TSEN2: variants seen among roughly 807,000 people sequenced by gnomAD.
TSEN2 encodes the protein tRNA splicing endonuclease subunit 2.
In TSEN2, 54 loss-of-function variants were observed where a neutral mutation model predicts 59.2. The observed-to-expected ratio is 0.91, with a 90% CI of 0.73 to 1.14. The LOEUF is 1.14. TSEN2 is among the 50% of genes most tolerant of loss of function. The pLI is 0.00. For missense variants in TSEN2, 636 were observed against 576.2 expected, an observed-to-expected ratio of 1.10 and a Z score of -1.06; for synonymous variants, 195 against 198.2, an observed-to-expected ratio of 0.98 and a Z score of 0.14.
chr3:12,484,353 G>A (rs140758605), upstream of TSEN2: 3 of 152,436 alleles, frequency 2.0e-5, no homozygotes, highest in African/African-American at 4.8e-5. Context: ...CTGGCGCACA[G>A]AACACCCGCC....
chr3:12,515,242 T>C (rs1339717978), intron 6 of TSEN2, among the ~76,000 whole-genome samples: 1 of 152,156 alleles, frequency 6.6e-6, no homozygotes, highest in Non-Finnish European at 1.5e-5. Context: ...TTTTGTTCTG[T>C]GTATGCCGGG....
intron 4 of TSEN2, among the ~76,000 whole-genome samples, chr3:12,501,949 T>A (rs1480440761): frequency 6.6e-6 from 1 of 152,222 alleles, no homozygotes; most frequent in Non-Finnish European, 1.5e-5. Context: ...TGCCTATAAT[T>A]TTTTGTAACT....
chr3:12,480,527 TG>T (rs752088124), upstream of TSEN2, among the ~76,000 whole-genome samples: 4 of 135,782 alleles, frequency 2.9e-5, no homozygotes, highest in East Asian at 2.0e-4. Context: ...TTTGTTTCTT[TG>T]TTTTTTTTTT....
upstream of TSEN2, among the ~76,000 whole-genome samples, chr3:12,483,607 T>G (rs113974642): frequency 0.012 from 1,780 of 152,290 alleles, 36 homozygotes; most frequent in African/African-American, 0.041. Context: ...GCAAGAACAT[T>G]GGCAGAAGTC....
chr3:12,536,704 T>C (rs987044011), downstream of TSEN2, among the ~76,000 whole-genome samples: 3 of 152,216 alleles, frequency 2.0e-5, no homozygotes, highest in East Asian at 1.9e-4. Context: ...TGTGGTCTTA[T>C]TTATAAGAGG....
chr3:12,532,671 C>T lies in TSEN2; in HGVS notation c.1348C>T (p.Leu450=). The part of the protein sequence containing the change: ...MKRIKVQEVI[L]SRWVSSRERS... ...TTTTTATTGGTTGTAGGAGGTGATT[C>T]TGAGTCGATGGGTTTCTTCACGAGA... is the stretch of plus-strand genomic sequence containing the variant. Residue 450 remains leucine (L), a synonymous_variant, in exon 12 of 12, where the codon CTG becomes TTG. Transcript: ENST00000284995. 1 of 1,613,926 alleles carries T rather than the reference C, an allele frequency of 6.2e-7. No homozygotes were observed. Among genetic ancestry groups the T allele is most frequent in the Admixed American group, 1.7e-5 (1 of 59,998 alleles).
chr3:12,508,931 G>A (rs530203893), intron 6 of TSEN2, among the ~76,000 whole-genome samples: 4 of 152,264 alleles, frequency 2.6e-5, no homozygotes, highest in Admixed American at 2.0e-4. Context: ...CACCATCATA[G>A]CTCACTGAAG....
At chr3:12,488,073 C>A (rs1190760237) in intron 1 of TSEN2, among the ~76,000 whole-genome samples, 1 of 152,170 alleles carries the variant, frequency 6.6e-6, no homozygotes, top group East Asian at 1.9e-4. Context: ...TCCTCAGCTT[C>A]TTCCTTGAGA....
intron 11 of TSEN2, 67 bp downstream of exon 11, chr3:12,531,726 G>C: frequency 9.2e-7 from 1 of 1,090,616 alleles, no homozygotes; most frequent in Non-Finnish European, 1.4e-6. Context: ...TCTGGAACAT[G>C]TGGTCCCAAG....
intron 6 of TSEN2, among the ~76,000 whole-genome samples, chr3:12,511,462 G>A (rs1232752179): frequency 6.6e-6 from 1 of 151,780 alleles, no homozygotes; most frequent in Non-Finnish European, 1.5e-5. Context: ...TTAGCCATTT[G>A]GAAAAAGACA....
intron 10 of TSEN2, 35 bp downstream of exon 10, chr3:12,529,908 C>T (rs201662726): frequency 6.3e-7 from 1 of 1,594,740 alleles, no homozygotes; most frequent in East Asian, 2.2e-5. Context: ...TGGAGTGTCA[C>T]TTAAATGGTT....
chr3:12,509,202 T>G (rs2055163950), intron 6 of TSEN2, among the ~76,000 whole-genome samples: 1 of 113,884 alleles, frequency 8.8e-6, no homozygotes, highest in South Asian at 2.2e-4. Context: ...GTTTTTTTTG[T>G]TGTTGTTTTT....
At chr3:12,531,487 G>C in intron 10 of TSEN2, 83 bp from the exon 11 acceptor site, 1 of 846,670 alleles carries the variant, frequency 1.2e-6, no homozygotes, top group South Asian at 1.4e-5. Flanking sequence ...AGGGACTGGA[G>C]ACCACCTGCA....
chr3:12,529,660 CA>C, intron 9 of TSEN2, 101 bp from the exon 10 acceptor site: 1 of 1,047,396 alleles, frequency 9.5e-7, no homozygotes, highest in Non-Finnish European at 1.4e-6. Flanking sequence ...TCAGATGATG[CA>C]AATTTCATTT....
chr3:12,496,140 A>T (rs573271489), intron 3 of TSEN2, among the ~76,000 whole-genome samples: 2 of 152,356 alleles, frequency 1.3e-5, no homozygotes, highest in South Asian at 4.1e-4. Flanking sequence ...GCTTTCAGTG[A>T]AGAGGGAAGA....
At chr3:12,503,227 C>G (rs368891367) in intron 4 of TSEN2, 35 bp from the exon 5 acceptor site, 2 of 1,613,532 alleles carry the variant, frequency 1.2e-6, no homozygotes, top group Non-Finnish European at 1.7e-6. Context: ...TTTTGAAATT[C>G]GAGTGCTGTT....
At chr3:12,528,501 C>T (rs1296198207) in intron 8 of TSEN2, among the ~76,000 whole-genome samples, 1 of 152,146 alleles carries the variant, frequency 6.6e-6, no homozygotes, top group Non-Finnish European at 1.5e-5. Flanking sequence ...AGGAGGATCA[C>T]TCAAGCCCTG....
downstream of TSEN2, among the ~76,000 whole-genome samples, chr3:12,535,702 T>C (rs2125275009): frequency 6.6e-6 from 1 of 152,254 alleles, no homozygotes; most frequent in South Asian, 2.1e-4. Flanking sequence ...TGGCTAATTT[T>C]TGTATTTTTA....
At chr3:12,520,053 C>T (rs140286714) in intron 8 of TSEN2, among the ~76,000 whole-genome samples, 2,488 of 151,912 alleles carry the variant, frequency 0.016, 44 homozygotes, top group South Asian at 0.058. Flanking sequence ...GCTGGAGTGC[C>T]AGTGGCACAA....
Sources: gnomAD v4.1 joint callset for allele counts (sites outside exome capture counted in the v4.1 genomes callset) on GRCh38, gnomAD v4.1.1 for gene constraint, MANE v1.5 for transcripts, NCBI Gene and HGNC (gene_info 2026-07-23, HGNC 2026-07-21) for gene names.